SEZ6: variants seen among roughly 807,000 people sequenced by gnomAD.
SEZ6 encodes seizure related 6 homolog.
In SEZ6, 53 loss-of-function variants were observed where a neutral mutation model predicts 101.0. The observed-to-expected ratio is 0.52, with a 90% CI of 0.42 to 0.66. The LOEUF (loss-of-function observed/expected upper bound fraction) is 0.66. Among genes scored for constraint, SEZ6 ranks in the 30% least tolerant of loss-of-function variants. The pLI, the probability that SEZ6 is intolerant of heterozygous loss-of-function variation, is 0.00. For synonymous variants in SEZ6, 488 were observed against 512.2 expected (o/e 0.95, Z 0.64); for missense variants, 1,102 against 1,289.4 (o/e 0.85, Z 2.23).
chr17:28,959,163 G>A lies in SEZ6; in HGVS notation c.1969C>T (p.Arg657Trp), dbSNP rs548180123. 2.5e-6 allele frequency: 4 copies of A among 1,613,632 alleles called. No homozygotes were observed. Among genetic ancestry groups the A allele is most frequent in the African/African-American group, 1.3e-5 (1 of 75,034 alleles). Residue 657 changes from arginine (R) to tryptophan (W), a missense_variant, in exon 10 of 17, where the codon CGG (arginine) becomes TGG (tryptophan). Arg to Trp is a moderately radical substitution (Grantham distance 101, BLOSUM62 -3). Transcript: ENST00000317338. The surrounding 1 kb of genome is among the most constrained non-coding windows in gnomAD (Gnocchi z 4.4). ...GGCCCTGAGTACTGGCCCAGAACCCGGGCCGTCAGGTCATCCCCATCATAG... is the reference window on the plus strand; with the variant it reads ...GGCCCTGAGTACTGGCCCAGAACCCAGGCCGTCAGGTCATCCCCATCATAG... The part of the protein sequence containing the change: ...TFYDGDDLTA[R>W]VLGQYSGPRS...
At chr17:28,966,147 A>G (rs1297774555) in intron 4 of SEZ6, among the ~76,000 whole-genome samples, 3 of 150,198 alleles carry the variant, frequency 2.0e-5, no homozygotes, top group Non-Finnish European at 4.4e-5. Flanking sequence ...CATGTTCCAA[A>G]AAATAAAATA....
At chr17:28,971,553 A>G (rs1166837074) in intron 3 of SEZ6, among the ~76,000 whole-genome samples, 1 of 152,086 alleles carries the variant, frequency 6.6e-6, no homozygotes, top group Admixed American at 6.6e-5. Context: ...AGATCGCGCC[A>G]TTGCACTCCA....
intron 5 of SEZ6, among the ~76,000 whole-genome samples, chr17:28,962,889 C>T (rs1451088415): frequency 1.3e-5 from 2 of 151,834 alleles, no homozygotes; most frequent in Admixed American, 1.3e-4. Context: ...CTTTGGGAGG[C>T]TGAGGTGGGT....
chr17:28,971,852 C>T (rs894820286), intron 3 of SEZ6, among the ~76,000 whole-genome samples: 1 of 152,184 alleles, frequency 6.6e-6, no homozygotes, highest in African/African-American at 2.4e-5. Context: ...CTGTCCTGGC[C>T]CTAATTACCT....
At position 28,981,970 on chromosome 17, in the gene SEZ6, A is replaced by G. The variant is rs2152689560; in HGVS notation, c.125T>C (p.Leu42Pro). 6.2e-7 allele frequency: 1 copy of G among 1,613,366 alleles called. No individual in the cohort carries two copies. Among genetic ancestry groups the G allele is most frequent in the Non-Finnish European group, 8.5e-7 (1 of 1,179,672 alleles). The change falls in exon 2 of 17, where the codon CTG becomes CCG. Residue 42 changes from leucine (L) to proline (P), a missense_variant. Physicochemically the swap from Leu to Pro is moderately conservative, Grantham distance 98. Transcript: ENST00000317338. ...CTGCTCAGGTGTGGGGGCTGCTGTC[A>G]GCTCGCCATCTGTCTCCTCGATGCC... ...APGIEETDGE[L>P]TAAPTPEQPE...
chr17:28,957,266 G>A, intron 12 of SEZ6, 24 bp from the exon 13 acceptor site: 1 of 1,613,750 alleles, frequency 6.2e-7, no homozygotes, highest in East Asian at 2.2e-5. Context: ...AGAGTGCAGT[G>A]AGGGTGTCAT....
In SEZ6 at chr17:28,957,432, C is replaced by G. The variant is rs1379135226; in HGVS notation, c.2410G>C (p.Val804Leu). ...TVQYICDQGF[V>L]LMGSSILTCH... ...GTGAGGATGGAGCTGCCCATCAGCACAAAACCCTGGTCACAGATATATTGC... is the reference window on the plus strand; with the variant it reads ...GTGAGGATGGAGCTGCCCATCAGCAGAAAACCCTGGTCACAGATATATTGC... Residue 804 changes from valine to leucine, a missense_variant, in exon 12 of 17, where the codon GTG (valine) becomes CTG (leucine). By Grantham distance (32) the Val-to-Leu change is conservative (BLOSUM62 1). This residue lies in a region of SEZ6 where 556 missense variants were observed against 735.1 expected (regional missense o/e 0.76). Coordinates refer to ENST00000317338, the MANE Select transcript of SEZ6 (RefSeq NM_178860.5). The G allele has an allele frequency of 6.2e-7, 1 of 1,613,676 alleles. No individual in the cohort carries two copies. Among genetic ancestry groups the G allele is most frequent in the African/African-American group, 1.3e-5 (1 of 74,914 alleles).
Position 28,956,753 on chromosome 17 carries a change from A to G in SEZ6, c.2697T>C (p.Ser899=). ...TGCGACTGTTGTAGAACCCATCCAG[A>G]GAGGCTGGAACAAAAGGGGAGGGCC... is the stretch of plus-strand genomic sequence containing the variant. ...SDPPPICRAA[S]LDGFYNSRSL... is the part of the protein sequence containing the mutation. The change falls in exon 14 of 17, where the codon TCT becomes TCC. Residue 899 remains serine (S), a synonymous_variant. Coordinates refer to ENST00000317338, the MANE Select transcript of SEZ6 (RefSeq NM_178860.5). 1 of 1,563,028 alleles carries G rather than the reference A, an allele frequency of 6.4e-7. No individual in the cohort carries two copies. Among genetic ancestry groups the G allele is most frequent in the Non-Finnish European group, 8.7e-7 (1 of 1,153,490 alleles).
In SEZ6 at chr17:29,005,453, C is replaced by A. The variant is rs369301551; in HGVS notation, c.55+362G>T. On this transcript the variant is annotated intron_variant, in intron 1 of 16. Transcript: ENST00000317338. The surrounding 1 kb of genome is among the most constrained non-coding windows in gnomAD (Gnocchi z 4.8). ...GACCGTCCCGACTCACTGCCTTGCGCCCCCCGGCACGCGCCCCAGCACCCT... is the reference window on the plus strand; with the variant it reads ...GACCGTCCCGACTCACTGCCTTGCGACCCCCGGCACGCGCCCCAGCACCCT... 1.3e-4 allele frequency among the ~76,000 whole-genome samples: 20 copies of A among 152,214 alleles called. No homozygotes were observed. The East Asian group carries it at 3.5e-3, about 27-fold the overall frequency.
chr17:28,957,834 G>A (rs1046030944), intron 11 of SEZ6, 113 bp downstream of exon 11: 2 of 1,237,934 alleles, frequency 1.6e-6, no homozygotes, highest in African/African-American at 3.0e-5. Context: ...GCTATAAGAG[G>A]TGAAGGAACT....
chr17:28,988,144 C>T (rs1437695535), intron 1 of SEZ6, among the ~76,000 whole-genome samples: 1 of 152,210 alleles, frequency 6.6e-6, no homozygotes, highest in Non-Finnish European at 1.5e-5. Flanking sequence ...CCCAATTGCT[C>T]ACGCGATTCT....
chr17:28,976,332 G>A (rs149814113), intron 3 of SEZ6, among the ~76,000 whole-genome samples: 53 of 152,300 alleles, frequency 3.5e-4, no homozygotes, highest in African/African-American at 1.2e-3. Context: ...TGAAGGCCCC[G>A]GACTTGAGGC....
At chr17:28,981,159 G>T (rs896596186) in intron 2 of SEZ6, among the ~76,000 whole-genome samples, 1 of 152,216 alleles carries the variant, frequency 6.6e-6, no homozygotes, top group South Asian at 2.1e-4. Context: ...GCCTCCCAAA[G>T]TGCTGGGATT....
intron 14 of SEZ6, 109 bp downstream of exon 14, chr17:28,956,610 C>G (rs771426883): frequency 1.3e-6 from 2 of 1,516,718 alleles, no homozygotes; most frequent in East Asian, 4.9e-5. Flanking sequence ...CTGCTAGGCC[C>G]AAACCTCTCT....
Position 28,964,064 on chromosome 17 carries a change from G to C in SEZ6, c.1138C>G (p.Arg380Gly). 6.2e-7 allele frequency: 1 copy of C among 1,609,554 alleles called. No homozygotes were observed. The highest frequency in any genetic ancestry group is 8.5e-7 in the Non-Finnish European group (1 of 1,177,938). ...TGGTAGCCAGTGGCACAATGGAAGC[G>C]GGCACTACCCCCTGGGTGGAGGCTG... ...VTSLHPGGSA[R>G]FHCATGYQLK... The change falls in exon 5 of 17, where the codon CGC (arginine) becomes GGC (glycine). Residue 380 changes from arginine to glycine, a missense_variant. Transcript: ENST00000317338.
chr17:28,981,834 C>A lies in SEZ6; in HGVS notation c.261G>T (p.Glu87Asp). ...LQEGLEKGDE[E>D]LRPALPFQPD... ...GCTGGAAGGGCAGTGCTGGCCTCAG[C>A]TCCTCATCTCCCTTTTCCAGCCCCT... Residue 87 changes from glutamate (E) to aspartate (D), a missense_variant, in exon 2 of 17, where the codon GAG (glutamate) becomes GAT (aspartate). Physicochemically the swap from Glu to Asp is conservative, Grantham distance 45. Coordinates refer to ENST00000317338, the MANE Select transcript of SEZ6 (RefSeq NM_178860.5). The A allele has an allele frequency of 6.2e-7, 1 of 1,613,942 alleles. No homozygotes were observed. The highest frequency in any genetic ancestry group is 8.5e-7 in the Non-Finnish European group (1 of 1,179,870).
intron 3 of SEZ6, among the ~76,000 whole-genome samples, chr17:28,975,394 T>C (rs1186717170): frequency 1.3e-5 from 2 of 152,078 alleles, no homozygotes; most frequent in Non-Finnish European, 2.9e-5. Flanking sequence ...TGGTTCAATC[T>C]CCCTTTATAG....
chr17:28,991,393 A>G (rs1212162875), intron 1 of SEZ6, among the ~76,000 whole-genome samples: 1 of 151,822 alleles, frequency 6.6e-6, no homozygotes, highest in East Asian at 1.9e-4. Context: ...TTTAGTAGAG[A>G]CAGGGTTTCA....
In SEZ6 at chr17:28,959,064, C is replaced by G; in HGVS notation, c.2068G>C (p.Val690Leu). 1 of 1,613,952 alleles carries G rather than the reference C, an allele frequency of 6.2e-7. No individual in the cohort carries two copies. The highest frequency in any genetic ancestry group is 8.5e-7 in the Non-Finnish European group (1 of 1,179,840). The change falls in exon 10 of 17, where the codon GTG (valine) becomes CTG (leucine). Residue 690 changes from valine to leucine, a missense_variant. This residue lies in a region of SEZ6 where 556 missense variants were observed against 735.1 expected (regional missense o/e 0.76). Coordinates refer to ENST00000317338, the MANE Select transcript of SEZ6 (RefSeq NM_178860.5). The surrounding 1 kb of genome is among the most constrained non-coding windows in gnomAD (Gnocchi z 4.4). ...IQFQSDPGTS[V>L]LGYQQGFVIH... ...ACGAAGCCCTGCTGGTAGCCCAGCA[C>G]TGAGGTCCCGGGGTCCGACTGGAAC...
Sources: allele counts gnomAD v4.1 joint callset (sites outside exome capture counted in the v4.1 genomes callset), GRCh38; gene constraint gnomAD v4.1.1; regional missense constraint gnomAD v4.1.1; non-coding constraint Gnocchi (gnomAD v3.1); transcripts MANE v1.5; gene names NCBI Gene and HGNC (gene_info 2026-07-23, HGNC 2026-07-21).